The following BTAF1 variants were observed in gnomAD, a reference collection of about 807,000 sequenced individuals.
BTAF1 encodes the protein TATA-binding protein-associated factor 172.
Under a neutral mutation model 227.1 loss-of-function variants are expected in BTAF1, and 38 were observed. That is an observed-to-expected ratio of 0.17 (90% CI 0.13 to 0.22). The LOEUF is 0.22. Ranked by LOEUF, BTAF1 falls within the 10% of genes least tolerant of loss-of-function variation. The pLI, the probability that BTAF1 is intolerant of heterozygous loss-of-function variation, is 1.00. For missense variants in BTAF1, 1,598 were observed against 2,204.0 expected (o/e 0.73, Z 5.51); for synonymous variants, 742 against 751.9 (o/e 0.99, Z 0.21).
Position 91,940,052 on chromosome 10 carries a change from C to T in BTAF1, c.239C>T (p.Pro80Leu), listed in dbSNP as rs763716240. The T allele has an allele frequency of 9.9e-6, 16 of 1,609,020 alleles. No individual in the cohort carries two copies. Among genetic ancestry groups the T allele is most frequent in the Middle Eastern group, 1.7e-4 (1 of 6,040 alleles). ...AATGTACCTGAGTGGAATCCAGTGC[C>T]GAGAACCAGACAAGGTGCTTTTAAG... ...VKNVPEWNPVPRTRQEPTSES... is the reference protein window; with the variant it reads ...VKNVPEWNPVLRTRQEPTSES... Residue 80 changes from proline to leucine, a missense_variant, in exon 3 of 38, where the codon CCG becomes CTG. Coordinates refer to ENST00000265990, the MANE Select transcript of BTAF1 (RefSeq NM_003972.3).
intron 20 of BTAF1, among the ~76,000 whole-genome samples, chr10:91,991,795 GTGTATATATATATATATATATATATA>G (rs1589900412): frequency 0.091 from 511 of 5,640 alleles, 7 homozygotes; most frequent in Middle Eastern, 0.25. Flanking sequence ...GTGTGTGTGT[GTGTATATATATATATATATATATATA>G]TATATATATA....
intron 8 of BTAF1, 123 bp from the exon 9 acceptor site, chr10:91,958,942 A>G (rs1043726925): frequency 5.0e-6 from 4 of 792,168 alleles, no homozygotes; most frequent in African/African-American, 1.8e-5. Context: ...ACATTCTTGT[A>G]AAGTTCCACT....
intron 26 of BTAF1, 103 bp from the exon 27 acceptor site, chr10:92,008,726 A>G: frequency 9.1e-7 from 1 of 1,098,628 alleles, no homozygotes; most frequent in East Asian, 2.7e-5. Context: ...TTTTGCATAT[A>G]GAAATATTTT....
At position 92,028,734 on chromosome 10, in the gene BTAF1, A is replaced by G. The variant is rs1726578976; in HGVS notation, c.5407-56A>G. The G allele has an allele frequency of 6.0e-6, 9 of 1,495,396 alleles. No homozygotes were observed. In the South Asian group the frequency reaches 1.0e-4, roughly 17 times the overall value. The allele number at this position is 1,495,396 out of a possible 1,614,324, so 92.6% of individuals were successfully genotyped here. A position where few individuals can be genotyped will look rare whatever the true frequency, so the allele number is the denominator to read the frequency against. On this transcript the variant is annotated intron_variant, in intron 37 of 37. Transcript: ENST00000265990. ...AAGTGTGATTTTAAAGGAAAATACA[A>G]TTTGTGAAGTTAACCTCTCATTTTA...
intron 13 of BTAF1, among the ~76,000 whole-genome samples, 157 bp downstream of exon 13, chr10:91,964,358 T>C (rs1437037956): frequency 1.3e-5 from 2 of 152,206 alleles, no homozygotes; most frequent in Non-Finnish European, 2.9e-5. Flanking sequence ...TTGTCTTTTT[T>C]ACTCTAGCCA....
rs2134142535 is a variant in BTAF1 at position 92,016,374 on chromosome 10, C to T, written c.4619C>T (p.Ala1540Val). 4 of 1,599,288 alleles carry T rather than the reference C, an allele frequency of 2.5e-6. No individual in the cohort carries two copies. Among genetic ancestry groups the T allele is most frequent in the Non-Finnish European group, 3.4e-6 (4 of 1,173,964 alleles). Residue 1540 changes from alanine (A) to valine (V), a missense_variant, in exon 33 of 38, where the codon GCC becomes GTC. Transcript: ENST00000265990. ...TATGAAGATTTTGCTAAGTCTCGTG[C>T]CAAGTGTGATGTTGATGAAACAGTT... ...QLYEDFAKSR[A>V]KCDVDETVSS...
At chr10:91,988,928 GA>G (rs1350626269) in intron 19 of BTAF1, among the ~76,000 whole-genome samples, 1 of 152,134 alleles carries the variant, frequency 6.6e-6, no homozygotes, top group Non-Finnish European at 1.5e-5. Context: ...TTCTTCTCAA[GA>G]GAATGTCTTT....
At chr10:91,939,343 A>C (rs1361755692) in intron 2 of BTAF1, among the ~76,000 whole-genome samples, 1 of 152,252 alleles carries the variant, frequency 6.6e-6, no homozygotes, top group Non-Finnish European at 1.5e-5. Flanking sequence ...AATTCTTTGT[A>C]TTAAGTAATG....
At chr10:91,934,049 G>A (rs1340142828) in intron 1 of BTAF1, among the ~76,000 whole-genome samples, 4 of 152,200 alleles carry the variant, frequency 2.6e-5, no homozygotes, top group Non-Finnish European at 5.9e-5. Context: ...AAAGGCAAGT[G>A]TTTAGATAGC....
At chr10:92,007,581 A>G (rs1850014279) in intron 25 of BTAF1, among the ~76,000 whole-genome samples, 1 of 152,210 alleles carries the variant, frequency 6.6e-6, no homozygotes, top group Non-Finnish European at 1.5e-5. Context: ...GTATAGTTCT[A>G]AGAAATATGA....
chr10:91,951,251 A>G, intron 4 of BTAF1, 152 bp from the exon 5 acceptor site: 1 of 740,046 alleles, frequency 1.4e-6, no homozygotes, highest in East Asian at 3.0e-5. Context: ...ATTAGGTAAC[A>G]GAGTTTATGA....
intron 6 of BTAF1, among the ~76,000 whole-genome samples, chr10:91,954,272 CAAGTT>C (rs748399070): frequency 2.6e-4 from 40 of 152,080 alleles, no homozygotes; most frequent in Admixed American, 1.7e-3. Context: ...CTAAGGACCA[CAAGTT>C]AAGAATACTC....
Position 91,992,221 on chromosome 10 carries a change from G to A in BTAF1, c.2957G>A (p.Arg986Lys). The A allele has an allele frequency of 6.2e-7, 1 of 1,613,812 alleles. No individual in the cohort carries two copies. The highest frequency in any genetic ancestry group is 1.1e-5 in the South Asian group (1 of 91,046). Residue 986 changes from arginine (R) to lysine (K), a missense_variant, in exon 21 of 38, where the codon AGG becomes AAG. Physicochemically the swap from Arg to Lys is conservative, Grantham distance 26 (BLOSUM62 2). This residue lies in a region of BTAF1 where 425 missense variants were observed against 491.2 expected (regional missense o/e 0.87). Coordinates refer to ENST00000265990, the MANE Select transcript of BTAF1 (RefSeq NM_003972.3). ...AAAGCTGCCTTTGCTATCACAAGTA[G>A]GCGAGGTCCTACCCCCAAAGCAGTA... Reference protein sequence around the residue: ...HQKAAFAITSRRGPTPKAVKA... With the variant: ...HQKAAFAITSKRGPTPKAVKA...
At chr10:91,954,030 G>A (rs191421730) in intron 6 of BTAF1, among the ~76,000 whole-genome samples, 157 bp downstream of exon 6, 1 of 152,256 alleles carries the variant, frequency 6.6e-6, no homozygotes, top group African/African-American at 2.4e-5. Flanking sequence ...CATTGTACTA[G>A]GAACTGAGAC....
intron 6 of BTAF1, among the ~76,000 whole-genome samples, chr10:91,956,193 GATGCAGGTTAT>G (rs1846073336): frequency 6.6e-6 from 1 of 152,100 alleles, no homozygotes; most frequent in Admixed American, 6.5e-5. Flanking sequence ...TGCTGGACCA[GATGCAGGTTAT>G]ATGCAGGTTA....
intron 14 of BTAF1, among the ~76,000 whole-genome samples, chr10:91,967,848 A>G (rs1589832419): frequency 6.6e-6 from 1 of 152,158 alleles, no homozygotes; most frequent in Non-Finnish European, 1.5e-5. Context: ...CAAATTTTTT[A>G]TCTTCATATC....
At chr10:91,927,588 A>G (rs1843942863) in intron 1 of BTAF1, among the ~76,000 whole-genome samples, 1 of 152,200 alleles carries the variant, frequency 6.6e-6, no homozygotes, top group Non-Finnish European at 1.5e-5. Context: ...CCATGCTCAG[A>G]ATGCCTGGCT....
intron 14 of BTAF1, among the ~76,000 whole-genome samples, chr10:91,973,818 G>A (rs954888142): frequency 1.3e-5 from 2 of 150,022 alleles, no homozygotes; most frequent in African/African-American, 2.4e-5. Context: ...GCAGGAGAAT[G>A]GCGTGAACCC....
chr10:91,969,581 C>CA (rs1847149549), intron 14 of BTAF1, among the ~76,000 whole-genome samples: 3 of 152,116 alleles, frequency 2.0e-5, no homozygotes, highest in Non-Finnish European at 4.4e-5. Context: ...TCTCTGCTGT[C>CA]AATTGTGATT....
Sources: allele counts gnomAD v4.1 joint callset (sites outside exome capture counted in the v4.1 genomes callset), GRCh38; gene constraint gnomAD v4.1.1; regional missense constraint gnomAD v4.1.1; transcripts MANE v1.5; gene names NCBI Gene and HGNC (gene_info 2026-07-23, HGNC 2026-07-21).